The following LHPP variants were observed in gnomAD, a reference collection of about 807,000 sequenced individuals.
LHPP encodes the protein hLHPP.
A neutral mutation model predicts 30.3 loss-of-function variants in LHPP; 24 were observed. That is an observed-to-expected ratio of 0.79 (90% CI 0.57 to 1.11). The LOEUF (loss-of-function observed/expected upper bound fraction) is 1.11. Among genes scored for constraint, LHPP ranks in the 50% most tolerant of loss-of-function variants. LHPP has a pLI of 0.00. For missense variants in LHPP, 356 were observed against 367.2 expected (o/e 0.97, Z 0.25); for synonymous variants, 150 against 157.1 (o/e 0.95, Z 0.34).
At chr10:124,491,666 G>T (rs553430724) in intron 3 of LHPP, among the ~76,000 whole-genome samples, 1 of 152,148 alleles carries the variant, frequency 6.6e-6, no homozygotes, top group African/African-American at 2.4e-5. Flanking sequence ...GGCTCACGCC[G>T]GTAATCCCAG....
intron 6 of LHPP, among the ~76,000 whole-genome samples, chr10:124,557,804 C>T (rs576672911): frequency 6.6e-6 from 1 of 152,026 alleles, no homozygotes; most frequent in East Asian, 1.9e-4. Flanking sequence ...AGGCGTGGAC[C>T]GTGGGGGATC....
chr10:124,489,236 A>G (rs1953437342), intron 3 of LHPP, among the ~76,000 whole-genome samples: 1 of 152,230 alleles, frequency 6.6e-6, no homozygotes, highest in African/African-American at 2.4e-5. Flanking sequence ...GTCCCACTGC[A>G]CGAGGAAAAC....
Position 124,496,300 on chromosome 10 carries a change from C to T in LHPP, c.468-661C>T, listed in dbSNP as rs539559640. Among the ~76,000 whole-genome samples the T allele has an allele frequency of 7.9e-5, 12 of 152,272 alleles. No homozygotes were observed. The highest frequency in any genetic ancestry group is 2.1e-4 in the South Asian group (1 of 4,828). On this transcript the variant is annotated intron_variant, in intron 3 of 6. Transcript: ENST00000368842. The surrounding 1 kb of genome is among the most constrained non-coding windows in gnomAD (Gnocchi z 4.3). ...GACGCGATCGTAGGGTGAGCCTGGC[C>T]GGGCTGCAGCCAGCCACCAAGCCAG...
chr10:124,536,784 G>T (rs1012321034), intron 6 of LHPP, among the ~76,000 whole-genome samples: 18 of 152,230 alleles, frequency 1.2e-4, no homozygotes, highest in Non-Finnish European at 2.2e-4. Context: ...AATTCCCTGC[G>T]GCAGCTCCAA....
At chr10:124,551,506 C>G (rs1948165322) in intron 6 of LHPP, among the ~76,000 whole-genome samples, 1 of 152,172 alleles carries the variant, frequency 6.6e-6, no homozygotes, top group Admixed American at 6.5e-5. Context: ...CTTCCCTCAC[C>G]AGATCACAGG....
At chr10:124,567,612 G>GGGCGGCACTGCTGGTC (rs1218348540) in intron 6 of LHPP, among the ~76,000 whole-genome samples, 1 of 152,224 alleles carries the variant, frequency 6.6e-6, no homozygotes, top group East Asian at 1.9e-4. Context: ...GCTTGACAAG[G>GGGCGGCACTGCTGGTC]GGCGGCACTG....
intron 5 of LHPP, among the ~76,000 whole-genome samples, chr10:124,505,988 G>A (rs949521737): frequency 4.6e-5 from 7 of 152,172 alleles, no homozygotes; most frequent in Admixed American, 4.6e-4. Flanking sequence ...GCTCACACCT[G>A]TAATCCCAGC....
At chr10:124,518,458 C>T (rs1478073691) in intron 6 of LHPP, among the ~76,000 whole-genome samples, 1 of 152,256 alleles carries the variant, frequency 6.6e-6, no homozygotes, top group Non-Finnish European at 1.5e-5. Flanking sequence ...TCTCCGCTGA[C>T]AGCGGACCTC....
At chr10:124,485,173 A>G (rs1953285006) in intron 2 of LHPP, among the ~76,000 whole-genome samples, 1 of 152,080 alleles carries the variant, frequency 6.6e-6, no homozygotes, top group Non-Finnish European at 1.5e-5. Flanking sequence ...TAAGGGTGAC[A>G]GGCCTGGCCT....
chr10:124,560,694 G>A (rs896893743), intron 6 of LHPP, among the ~76,000 whole-genome samples: 4 of 152,196 alleles, frequency 2.6e-5, no homozygotes, highest in African/African-American at 7.2e-5. Context: ...AGGGGCTGGA[G>A]CCTGGCCGGC....
chr10:124,610,809 C>T (rs1324779677), intron 6 of LHPP, among the ~76,000 whole-genome samples: 3 of 48,286 alleles, frequency 6.2e-5, no homozygotes, highest in Non-Finnish European at 8.9e-5. Flanking sequence ...GGTGAGGGTG[C>T]TGATGGAGCG....
intron 6 of LHPP, among the ~76,000 whole-genome samples, chr10:124,535,844 G>A (rs1329854150): frequency 6.6e-6 from 1 of 152,240 alleles, no homozygotes; most frequent in African/African-American, 2.4e-5. Flanking sequence ...TGCAAGAGCA[G>A]CTGCTTCAGG....
At chr10:124,545,269 A>G (rs1180943667) in intron 6 of LHPP, among the ~76,000 whole-genome samples, 1 of 152,172 alleles carries the variant, frequency 6.6e-6, no homozygotes, top group African/African-American at 2.4e-5. Context: ...TCGTCTGGAA[A>G]GTGGGGGTGT....
chr10:124,549,988 T>A (rs917471045), intron 6 of LHPP, among the ~76,000 whole-genome samples: 6 of 148,164 alleles, frequency 4.0e-5, no homozygotes, highest in Non-Finnish European at 9.2e-5. Flanking sequence ...TCGCAGGGAC[T>A]GGGTGGCACA....
chr10:124,564,556 G>A (rs1339716576), intron 6 of LHPP, among the ~76,000 whole-genome samples: 3 of 152,142 alleles, frequency 2.0e-5, no homozygotes, highest in East Asian at 1.9e-4. Flanking sequence ...GCCCAGCCTC[G>A]GATTGTCATT....
Position 124,580,654 on chromosome 10 carries a change from T to A in LHPP, c.717-32610T>A, listed in dbSNP as rs556549921. Among the ~76,000 whole-genome samples, 4 of 152,286 alleles carry A rather than the reference T, an allele frequency of 2.6e-5. No homozygotes were observed. The South Asian group carries it at 8.3e-4, about 32-fold the overall frequency. On this transcript the variant is annotated intron_variant, in intron 6 of 6. Coordinates refer to ENST00000368842, the MANE Select transcript of LHPP (RefSeq NM_022126.4). ...AATTTACCCATCTAAAGTGAATAAT[T>A]AATGTTTTTATTATATTCATACACC...
chr10:124,515,775 G>A (rs941752739), intron 5 of LHPP, among the ~76,000 whole-genome samples: 1 of 152,242 alleles, frequency 6.6e-6, no homozygotes, highest in Non-Finnish European at 1.5e-5. Flanking sequence ...CATCGTGAGT[G>A]AGCTTTCCCA....
chr10:124,568,591 G>A (rs1414003513), intron 6 of LHPP, among the ~76,000 whole-genome samples: 5 of 152,306 alleles, frequency 3.3e-5, no homozygotes, highest in Non-Finnish European at 5.9e-5. Flanking sequence ...CCATTTCTCC[G>A]AATACCGATG....
intron 1 of LHPP, among the ~76,000 whole-genome samples, chr10:124,480,325 T>G (rs749267260): frequency 2.6e-5 from 4 of 152,206 alleles, no homozygotes; most frequent in Admixed American, 6.5e-5. Flanking sequence ...CACTTGATAT[T>G]ATAAGAGCAT....
Sources: gnomAD v4.1 joint callset for allele counts (sites outside exome capture counted in the v4.1 genomes callset) on GRCh38, gnomAD v4.1.1 for gene constraint, Gnocchi (gnomAD v3.1) non-coding constraint, MANE v1.5 for transcripts, NCBI Gene and HGNC (gene_info 2026-07-23, HGNC 2026-07-21) for gene names.